Variants in ROR1 observed in about 807,000 individuals in gnomAD.
The protein encoded by ROR1 is inactive tyrosine-protein kinase transmembrane receptor ROR1.
In ROR1, 19 loss-of-function variants were observed where a neutral mutation model predicts 78.8. That is an observed-to-expected ratio of 0.24 (90% confidence interval 0.17 to 0.35). The LOEUF is 0.35. Ranked by LOEUF, ROR1 falls within the 10% of genes least tolerant of loss-of-function variation. The probability of loss-of-function intolerance (pLI) is 1.00; values close to 1 mark genes in which losing one functional copy is unlikely to be tolerated. For missense variants in ROR1, 917 were observed against 1,177.8 expected, an observed-to-expected ratio of 0.78 and a Z score of 3.24; for synonymous variants, 386 against 433.6, an observed-to-expected ratio of 0.89 and a Z score of 1.36.
At chr1:64,016,410 G>A (rs1222395302) in intron 2 of ROR1, among the ~76,000 whole-genome samples, 2 of 152,016 alleles carry the variant, frequency 1.3e-5, no homozygotes, top group Admixed American at 6.5e-5. Flanking sequence ...TTCATATATT[G>A]AATTAGTAAA....
At chr1:64,157,424 C>A (rs771146141) in intron 7 of ROR1, among the ~76,000 whole-genome samples, 6 of 152,120 alleles carry the variant, frequency 3.9e-5, no homozygotes, top group Non-Finnish European at 8.8e-5. Context: ...CAGACATGAC[C>A]CACTGCACCC....
At chr1:63,799,282 A>G (rs758984261) in intron 1 of ROR1, among the ~76,000 whole-genome samples, 1 of 152,148 alleles carries the variant, frequency 6.6e-6, no homozygotes, top group Non-Finnish European at 1.5e-5. Flanking sequence ...AAATATCTTC[A>G]ATGGCTCCCC....
At chr1:64,156,091 C>A (rs1439028923) in intron 7 of ROR1, among the ~76,000 whole-genome samples, 1 of 152,116 alleles carries the variant, frequency 6.6e-6, no homozygotes, top group African/African-American at 2.4e-5. Flanking sequence ...AAACTTTTAC[C>A]TGTGAATCCC....
chr1:63,856,208 T>C (rs768299191), intron 1 of ROR1, among the ~76,000 whole-genome samples: 2 of 152,208 alleles, frequency 1.3e-5, no homozygotes, highest in Non-Finnish European at 2.9e-5. Context: ...TTCCTACAAA[T>C]ATTTTTGAAC....
chr1:63,952,220 C>T (rs1645945529), intron 1 of ROR1, among the ~76,000 whole-genome samples: 1 of 152,010 alleles, frequency 6.6e-6, no homozygotes, highest in African/African-American at 2.4e-5. Flanking sequence ...GAGAGTGGGC[C>T]ATATGGGGGA....
chr1:64,070,925 G>A (rs1295015270), intron 4 of ROR1, among the ~76,000 whole-genome samples: 1 of 152,196 alleles, frequency 6.6e-6, no homozygotes, highest in Non-Finnish European at 1.5e-5. Flanking sequence ...GTGAGTAAAG[G>A]TTTTCTGCCA....
At chr1:63,801,505 G>C (rs796841982) in intron 1 of ROR1, among the ~76,000 whole-genome samples, 6 of 152,090 alleles carry the variant, frequency 3.9e-5, no homozygotes, top group African/African-American at 1.4e-4. Flanking sequence ...ATGTTGGCCA[G>C]GCTGGTCTTG....
At chr1:63,790,847 A>T (rs915840162) in intron 1 of ROR1, among the ~76,000 whole-genome samples, 13 of 152,136 alleles carry the variant, frequency 8.5e-5, no homozygotes, top group African/African-American at 2.2e-4. Flanking sequence ...CAATGAGTAG[A>T]GGGGAAAGTG....
At chr1:63,823,331 C>T (rs993474877) in intron 1 of ROR1, among the ~76,000 whole-genome samples, 4 of 151,416 alleles carry the variant, frequency 2.6e-5, no homozygotes, top group Admixed American at 6.6e-5. Flanking sequence ...ATCCATCCAT[C>T]GATTTATATG....
In ROR1 at chr1:63,860,562, T is replaced by TACACACACACAC. The variant is rs68153450; in HGVS notation, c.91+86086_91+86097dup. Among the ~76,000 whole-genome samples the TACACACACACAC allele has an allele frequency of 4.5e-3, 564 of 126,586 alleles. 6 individuals are homozygous for TACACACACACAC. The highest frequency in any genetic ancestry group is 6.6e-3 in the Non-Finnish European group (402 of 61,260). 83.0% of individuals were successfully genotyped at this position (126,586 alleles called of 152,430 possible). ...GGTAAAACCCCATCTCTACTAAAAATACACACACACACACACACACACACA... is the reference window on the plus strand; with the variant it reads ...GGTAAAACCCCATCTCTACTAAAAATACACACACACACACACACACACACACACACACACACA... On this transcript the variant is annotated intron_variant, in intron 1 of 8. Transcript: ENST00000371079.
At chr1:63,840,433 C>A (rs890446799) in intron 1 of ROR1, among the ~76,000 whole-genome samples, 11 of 151,974 alleles carry the variant, frequency 7.2e-5, no homozygotes, top group Admixed American at 5.2e-4. Context: ...GTACACGCCA[C>A]CACGCCTAGC....
At chr1:64,006,014 CG>C (rs780494672) in intron 1 of ROR1, among the ~76,000 whole-genome samples, 3 of 152,058 alleles carry the variant, frequency 2.0e-5, no homozygotes, top group Non-Finnish European at 4.4e-5. Flanking sequence ...TCCAGGGACA[CG>C]TGGGGAACAA....
At chr1:64,031,580 C>T (rs1646659940) in intron 2 of ROR1, among the ~76,000 whole-genome samples, 1 of 152,150 alleles carries the variant, frequency 6.6e-6, no homozygotes, top group Non-Finnish European at 1.5e-5. Context: ...CAAATGGATC[C>T]CAGTTGGGAA....
intron 1 of ROR1, among the ~76,000 whole-genome samples, chr1:63,939,381 G>A (rs1312044123): frequency 2.0e-5 from 3 of 151,916 alleles, no homozygotes; most frequent in Non-Finnish European, 4.4e-5. Context: ...CTATTTTTTC[G>A]AGAGGGTGGT....
intron 7 of ROR1, among the ~76,000 whole-genome samples, chr1:64,151,092 T>C (rs899844421): frequency 5.9e-5 from 9 of 152,210 alleles, no homozygotes; most frequent in African/African-American, 1.7e-4. Context: ...CACAAGCCGA[T>C]AGACTAAGGG....
chr1:63,992,056 T>G (rs1018705600), intron 1 of ROR1, among the ~76,000 whole-genome samples: 1 of 152,150 alleles, frequency 6.6e-6, no homozygotes, highest in African/African-American at 2.4e-5. Context: ...AGAATTTCTT[T>G]TGATACATGT....
chr1:63,781,370 C>G (rs186189336), intron 1 of ROR1, among the ~76,000 whole-genome samples: 3 of 152,072 alleles, frequency 2.0e-5, no homozygotes, highest in Non-Finnish European at 4.4e-5. Context: ...ATAAGAAAAT[C>G]GAGGCTCAGG....
intron 4 of ROR1, among the ~76,000 whole-genome samples, chr1:64,121,757 C>G (rs375409545): frequency 8.9e-4 from 136 of 152,270 alleles, no homozygotes; most frequent in African/African-American, 2.0e-3. Context: ...ACCACTGAGC[C>G]CTGGCACCTA....
rs147192920 is a variant in ROR1, at chr1:63,911,405, C to G, written c.92-97900C>G. On this transcript the variant is annotated intron_variant, in intron 1 of 8. Coordinates refer to ENST00000371079, the MANE Select transcript of ROR1 (RefSeq NM_005012.4). ...GAGCCTCACAGCAGAAGGTGAGTGG[C>G]AGGTGAGCGAGCATTACTACCTGAG... Among the ~76,000 whole-genome samples, 64 of 152,224 alleles carry G rather than the reference C, an allele frequency of 4.2e-4. No individual in the cohort carries two copies. In the East Asian group the frequency reaches 0.012, roughly 29 times the overall value.
Sources: allele counts gnomAD v4.1 joint callset (sites outside exome capture counted in the v4.1 genomes callset), GRCh38; gene constraint gnomAD v4.1.1; transcripts MANE v1.5; gene names NCBI Gene and HGNC (gene_info 2026-07-23, HGNC 2026-07-21).